The following PDE3A variants were observed in gnomAD, a reference collection of about 807,000 sequenced individuals.
The protein encoded by PDE3A is phosphodiesterase 3A.
Under a neutral mutation model 98.3 loss-of-function variants are expected in PDE3A, and 43 were observed. That is an observed-to-expected ratio of 0.44 (90% confidence interval 0.34 to 0.56). The LOEUF (loss-of-function observed/expected upper bound fraction) is 0.56, where lower values mean the gene tolerates loss of function less well. Ranked by LOEUF, PDE3A falls within the 20% of genes least tolerant of loss-of-function variation. The probability of loss-of-function intolerance (pLI) is 0.01; values close to 1 mark genes in which losing one functional copy is unlikely to be tolerated. For missense variants in PDE3A, 1,427 were observed against 1,440.7 expected, an observed-to-expected ratio of 0.99 and a Z score of 0.15; for synonymous variants, 663 against 567.9, an observed-to-expected ratio of 1.17 and a Z score of -2.38.
At chr12:20,553,753 C>T (rs1316277983) in intron 1 of PDE3A, among the ~76,000 whole-genome samples, 1 of 152,220 alleles carries the variant, frequency 6.6e-6, no homozygotes, top group Non-Finnish European at 1.5e-5. Flanking sequence ...CGGCCACGGA[C>T]GGACGCCAGC....
intron 1 of PDE3A, among the ~76,000 whole-genome samples, chr12:20,509,036 C>T (rs907012970): frequency 6.6e-6 from 1 of 151,994 alleles, no homozygotes; most frequent in Non-Finnish European, 1.5e-5. Flanking sequence ...CATGTGTATT[C>T]TGTTACCGTA....
At chr12:20,509,016 C>G (rs1946169065) in intron 1 of PDE3A, among the ~76,000 whole-genome samples, 1 of 151,936 alleles carries the variant, frequency 6.6e-6, no homozygotes, top group Admixed American at 6.6e-5. Flanking sequence ...CAGCATTTTT[C>G]CCTCACCAAC....
At chr12:20,447,523 T>C (rs1282608839) in intron 1 of PDE3A, among the ~76,000 whole-genome samples, 2 of 152,116 alleles carry the variant, frequency 1.3e-5, no homozygotes, top group Non-Finnish European at 2.9e-5. Flanking sequence ...GAAGCCTCTA[T>C]GTAAAACCTA....
rs552411033 is a variant in PDE3A at position 20,679,474 on chromosome 12, C to G, written c.3185-556C>G. ...GTGTTAGCCAGGATGGTCTCAATCT[C>G]CTGAGCTCGTGATTCGCCCGCCTTG... On this transcript the variant is annotated intron_variant, in intron 15 of 15. Coordinates refer to ENST00000359062, the MANE Select transcript of PDE3A (RefSeq NM_000921.5). Among the ~76,000 whole-genome samples, 195 of 152,274 alleles carry G rather than the reference C, an allele frequency of 1.3e-3. 1 individual carries two copies. The highest frequency in any genetic ancestry group is 4.5e-3 in the African/African-American group (185 of 41,560).
rs565462289 is a variant in PDE3A, at chr12:20,628,798, AC to A, written c.1541-1109del. On this transcript the variant is annotated intron_variant, in intron 5 of 15. Coordinates refer to ENST00000359062, the MANE Select transcript of PDE3A (RefSeq NM_000921.5). The stretch of plus-strand genomic sequence containing the variant: ...TAAAAAGAAAATTACACACGAACAC[AC>A]AAAATCGTTCAACAAACTTAATATT... Among the ~76,000 whole-genome samples the A allele has an allele frequency of 2.0e-4, 30 of 152,294 alleles. No individual in the cohort carries two copies. In the South Asian group the frequency reaches 2.3e-3, roughly 12 times the overall value.
intron 6 of PDE3A, among the ~76,000 whole-genome samples, chr12:20,632,123 T>C (rs1375587073): frequency 6.6e-6 from 1 of 152,232 alleles, no homozygotes; most frequent in African/African-American, 2.4e-5. Flanking sequence ...ACTCGACTTC[T>C]CCTGAGCTTC....
chr12:20,438,165 T>A (rs557335620), intron 1 of PDE3A, among the ~76,000 whole-genome samples: 205 of 152,252 alleles, frequency 1.3e-3, no homozygotes, highest in Non-Finnish European at 2.6e-3. Flanking sequence ...AGTTCCATTT[T>A]CTCCAGAGTG....
At chr12:20,490,948 A>C (rs1945815498) in intron 1 of PDE3A, among the ~76,000 whole-genome samples, 1 of 152,126 alleles carries the variant, frequency 6.6e-6, no homozygotes, top group Non-Finnish European at 1.5e-5. Flanking sequence ...GTACCAAATA[A>C]AAATTAGCCA....
At chr12:20,549,638 A>G (rs368026451) in intron 1 of PDE3A, among the ~76,000 whole-genome samples, 1 of 152,222 alleles carries the variant, frequency 6.6e-6, no homozygotes, top group African/African-American at 2.4e-5. Flanking sequence ...AGATTTCTGT[A>G]ACATTTTTTA....
chr12:20,572,079 A>G (rs1942813757), intron 2 of PDE3A: 3 of 1,201,354 alleles, frequency 2.5e-6, no homozygotes, highest in South Asian at 1.5e-5. Context: ...AATGAGAATC[A>G]GTCTAACAGA....
intron 15 of PDE3A, among the ~76,000 whole-genome samples, chr12:20,663,472 C>T (rs1945232450): frequency 7.0e-6 from 1 of 142,464 alleles, no homozygotes; most frequent in South Asian, 2.2e-4. Flanking sequence ...CCCTGCAAAG[C>T]CACAGGGGCA....
chr12:20,455,370 T>C lies in PDE3A; in HGVS notation c.960+85126T>C, dbSNP rs570837204. Among the ~76,000 whole-genome samples the C allele has an allele frequency of 2.6e-5, 4 of 152,336 alleles. No homozygotes were observed. In the East Asian group the frequency reaches 7.7e-4, roughly 29 times the overall value. On this transcript the variant is annotated intron_variant, in intron 1 of 15. Coordinates refer to ENST00000359062, the MANE Select transcript of PDE3A (RefSeq NM_000921.5). ...TGCTGGATATTAGACCTTTGTCAGA[T>C]GCATAGTTTGCAAAAATGTTCTCCC...
At chr12:20,615,150 C>T (rs936636357) in intron 3 of PDE3A, among the ~76,000 whole-genome samples, 16 of 151,522 alleles carry the variant, frequency 1.1e-4, no homozygotes, top group Admixed American at 1.3e-4. Flanking sequence ...GTGATCCACC[C>T]GCCTTGGCCT....
intron 1 of PDE3A, among the ~76,000 whole-genome samples, chr12:20,456,384 T>C (rs1357253318): frequency 6.6e-6 from 1 of 152,066 alleles, no homozygotes; most frequent in East Asian, 1.9e-4. Context: ...CTGGGGAGAA[T>C]TTAATAAAAC....
chr12:20,373,249 T>G (rs1943511342), intron 1 of PDE3A, among the ~76,000 whole-genome samples: 1 of 152,028 alleles, frequency 6.6e-6, no homozygotes. Context: ...AAACTACTTT[T>G]TTGGCTGCCA....
At chr12:20,557,211 A>G (rs4762973) in intron 2 of PDE3A, 33,446 of 157,176 alleles carry the variant, frequency 0.21, 3,709 homozygotes, top group South Asian at 0.27. Context: ...AAGTCTTTCT[A>G]TATTACCAGA....
At chr12:20,384,606 G>C (rs1335821112) in intron 1 of PDE3A, among the ~76,000 whole-genome samples, 1 of 151,866 alleles carries the variant, frequency 6.6e-6, no homozygotes, top group Non-Finnish European at 1.5e-5. Context: ...ATACTATGGT[G>C]CTTTGCTGCA....
At chr12:20,374,296 TAGTC>T (rs1427309350) in intron 1 of PDE3A, among the ~76,000 whole-genome samples, 3 of 152,112 alleles carry the variant, frequency 2.0e-5, no homozygotes, top group African/African-American at 4.8e-5. Flanking sequence ...GTGACATAAA[TAGTC>T]AGTGAATCTA....
chr12:20,525,844 A>G (rs907439313), intron 1 of PDE3A, among the ~76,000 whole-genome samples: 8 of 152,196 alleles, frequency 5.3e-5, no homozygotes, highest in Non-Finnish European at 1.2e-4. Context: ...AAACTGTGCA[A>G]TGAGGTAATG....
Sources: allele counts gnomAD v4.1 joint callset (sites outside exome capture counted in the v4.1 genomes callset), GRCh38; gene constraint gnomAD v4.1.1; transcripts MANE v1.5; gene names NCBI Gene and HGNC (gene_info 2026-07-23, HGNC 2026-07-21).